CCDC7: variants seen among roughly 807,000 people sequenced by gnomAD.
CCDC7 encodes the protein coiled-coil domain containing 7, also known as coiled-coil domain-containing protein 7.
Under a neutral mutation model 196.9 loss-of-function variants are expected in CCDC7, and 183 were observed. That is an observed-to-expected ratio of 0.93 (90% confidence interval 0.82 to 1.05). The LOEUF (loss-of-function observed/expected upper bound fraction) is 1.05. Among genes scored for constraint, CCDC7 ranks in the 50% least tolerant of loss-of-function variants. CCDC7 has a pLI of 0.00. For missense variants in CCDC7, 1,540 were observed against 1,482.2 expected (o/e 1.04, Z -0.64); for synonymous variants, 525 against 484.6 (o/e 1.08, Z -1.10).
intron 35 of CCDC7, 82 bp downstream of exon 36, chr10:32,845,708 A>T (rs2093247583): frequency 7.7e-7 from 1 of 1,297,072 alleles, no homozygotes; most frequent in African/African-American, 1.5e-5. Context: ...ATTTAATGGC[A>T]ATAGTACCTA....
chr10:32,596,689 CT>C (rs1345285504), intron 18 of CCDC7, among the ~76,000 whole-genome samples: 1 of 152,184 alleles, frequency 6.6e-6, no homozygotes, highest in African/African-American at 2.4e-5. Context: ...ATGTTTAGTG[CT>C]TCCTTCAGGA....
intron 9 of CCDC7, among the ~76,000 whole-genome samples, chr10:32,504,439 C>T (rs1284934310): frequency 6.6e-6 from 1 of 152,044 alleles, no homozygotes. Flanking sequence ...AATTTTCTTC[C>T]TTCTATGAAC....
chr10:32,563,936 ACTC>A (rs2056283159), intron 13 of CCDC7, among the ~76,000 whole-genome samples: 1 of 152,254 alleles, frequency 6.6e-6, no homozygotes, highest in African/African-American at 2.4e-5. Context: ...TCTACAAAGA[ACTC>A]CAACAAATTT....
At chr10:32,636,754 T>G (rs921020400) in intron 20 of CCDC7, among the ~76,000 whole-genome samples, 7 of 152,232 alleles carry the variant, frequency 4.6e-5, no homozygotes, top group African/African-American at 1.4e-4. Context: ...AGTAATGGGA[T>G]GGCTGGGTCA....
At chr10:32,703,769 C>A (rs1443747177) in intron 24 of CCDC7, among the ~76,000 whole-genome samples, 1 of 152,050 alleles carries the variant, frequency 6.6e-6, no homozygotes, top group Non-Finnish European at 1.5e-5. Context: ...TTCATTTGAT[C>A]TTCCATCACT....
chr10:32,699,896 G>A lies in CCDC7; in HGVS notation c.2458+4904G>A, dbSNP rs1344373967. 2.7e-5 allele frequency among the ~76,000 whole-genome samples: 4 copies of A among 149,362 alleles called. 1 individual carries two copies. The highest frequency in any genetic ancestry group is 1.0e-4 in the African/African-American group (4 of 38,750). On this transcript the variant is annotated intron_variant, in intron 24 of 41. Coordinates refer to ENST00000639629, the Ensembl canonical transcript of CCDC7. The stretch of plus-strand genomic sequence containing the variant: ...CATATCCTATGCCCACTTGTTGATA[G>A]GGTTGTTTGTTTTTTTCTTGTAAAT...
chr10:32,630,985 A>T (rs915587090), intron 18 of CCDC7, among the ~76,000 whole-genome samples: 1 of 152,118 alleles, frequency 6.6e-6, no homozygotes, highest in Non-Finnish European at 1.5e-5. Context: ...TCTCTGGAAG[A>T]TTTATGTTAA....
intron 8 of CCDC7, among the ~76,000 whole-genome samples, chr10:32,489,244 C>A (rs919766248): frequency 1.3e-5 from 2 of 152,154 alleles, no homozygotes; most frequent in African/African-American, 4.8e-5. Context: ...CTAGTGTGTG[C>A]AAGTCTACTG....
At chr10:32,482,372 CTG>C (rs1382900502) in intron 8 of CCDC7, among the ~76,000 whole-genome samples, 1 of 144,324 alleles carries the variant, frequency 6.9e-6, no homozygotes, top group African/African-American at 2.5e-5. Flanking sequence ...TTTTTCCTAA[CTG>C]TATATTTTCA....
At chr10:32,516,193 A>T (rs2047003413) in intron 9 of CCDC7, among the ~76,000 whole-genome samples, 2 of 152,238 alleles carry the variant, frequency 1.3e-5, no homozygotes, top group Non-Finnish European at 2.9e-5. Flanking sequence ...TCAATTAAAA[A>T]TAGGCAAAGG....
At position 32,797,270 on chromosome 10, in the gene CCDC7, C is replaced by T. The variant is rs536377521; in HGVS notation, c.3014-7745C>T. Among the ~76,000 whole-genome samples the T allele has an allele frequency of 1.5e-3, 223 of 148,654 alleles. No individual in the cohort carries two copies. In the Middle Eastern group the frequency reaches 0.022, roughly 14 times the overall value. ...GTATATATATGTGTGTATATATATGCGTATATATATACATATGTGTATATA... is the reference window on the plus strand; with the variant it reads ...GTATATATATGTGTGTATATATATGTGTATATATATACATATGTGTATATA... On this transcript the variant is annotated intron_variant, in intron 29 of 41. Transcript: ENST00000639629.
intron 16 of CCDC7, chr10:32,574,652 C>T (rs2057987301): frequency 2.5e-6 from 1 of 402,872 alleles, no homozygotes; most frequent in Admixed American, 5.2e-5. Flanking sequence ...TGTTTCACAT[C>T]ATGTGCGTTG....
chr10:32,471,203 C>T, exon 6 of CCDC7: 1 of 1,609,190 alleles, frequency 6.2e-7, no homozygotes. Context: ...TCTAAATCCT[C>T]CGTGAAAGTC....
intron 28 of CCDC7, among the ~76,000 whole-genome samples, chr10:32,754,113 A>G (rs2076056027): frequency 1.3e-5 from 2 of 152,236 alleles, no homozygotes; most frequent in South Asian, 2.1e-4. Flanking sequence ...AAAACCTGTT[A>G]TTATAAATAT....
chr10:32,680,318 T>G (rs943854494), intron 21 of CCDC7, among the ~76,000 whole-genome samples: 5 of 152,144 alleles, frequency 3.3e-5, no homozygotes, highest in African/African-American at 4.8e-5. Flanking sequence ...CTTGGATAAG[T>G]CAGTGGGGTT....
At chr10:32,540,477 C>T (rs1564592466) in intron 11 of CCDC7, among the ~76,000 whole-genome samples, 1 of 152,182 alleles carries the variant, frequency 6.6e-6, no homozygotes, top group Non-Finnish European at 1.5e-5. Context: ...CCTTTTCCAG[C>T]TTGCCACTCT....
chr10:32,854,376 A>G, intron 40 of CCDC7, 24 bp from the exon 42 acceptor site: 1 of 1,327,756 alleles, frequency 7.5e-7, no homozygotes, highest in Admixed American at 2.0e-5. Flanking sequence ...ACATAATTTA[A>G]TAACACTGTT....
intron 22 of CCDC7, among the ~76,000 whole-genome samples, chr10:32,882,305 C>T (rs1021470085): frequency 7.2e-5 from 11 of 152,068 alleles, no homozygotes; most frequent in Admixed American, 5.9e-4. Context: ...AGATTAAGGA[C>T]TTAGACATTA....
At chr10:32,543,416 T>C in intron 12 of CCDC7, 31 bp downstream of exon 13, 1 of 1,278,592 alleles carries the variant, frequency 7.8e-7, no homozygotes, top group Non-Finnish European at 1.0e-6. Context: ...TTAATCTTTT[T>C]TTCCTTGTTA....
Sources: allele counts gnomAD v4.1 joint callset (sites outside exome capture counted in the v4.1 genomes callset), GRCh38; gene constraint gnomAD v4.1.1; transcripts MANE v1.5; gene names NCBI Gene and HGNC (gene_info 2026-07-23, HGNC 2026-07-21).